Variants in ZNF705G observed in about 807,000 individuals in gnomAD.
ZNF705G encodes the protein zinc finger protein 705G.
ZNF705G carries 23 observed loss-of-function variants against 19.6 expected under a neutral mutation model. The observed-to-expected ratio is 1.17, with a 90% CI of 0.84 to 1.66. The LOEUF is 1.66. Among genes scored for constraint, ZNF705G ranks in the 40% most tolerant of loss-of-function variants. The probability of loss-of-function intolerance (pLI) is 0.00; values close to 1 mark genes in which losing one functional copy is unlikely to be tolerated. For missense variants in ZNF705G, 457 were observed against 354.4 expected (o/e 1.29, Z -2.32); for synonymous variants, 146 against 117.7 (o/e 1.24, Z -1.56).
At chr8:7,365,470 C>T (rs1229571593) in intron 2 of ZNF705G, among the ~76,000 whole-genome samples, 2 of 148,034 alleles carry the variant, frequency 1.4e-5, no homozygotes, top group African/African-American at 2.7e-5. Flanking sequence ...CCTCCACCTC[C>T]CGGGTTCAAG....
At position 7,359,661 on chromosome 8, in the gene ZNF705G, C is replaced by G; in HGVS notation, c.276G>C (p.Met92Ile). Reference protein sequence around the residue: ...SALKKTHMISMHPITRKDAST... With the variant: ...SALKKTHMISIHPITRKDAST... Reference sequence around the variant, plus strand: ...ATGCGTCTTTTCTGGTGATAGGATGCATGGATATCATGTGTGTTTTCTTAA... The same window carrying G: ...ATGCGTCTTTTCTGGTGATAGGATGGATGGATATCATGTGTGTTTTCTTAA... Residue 92 changes from methionine to isoleucine, a missense_variant, in exon 6 of 7, where the codon ATG becomes ATC. Met to Ile is a conservative substitution (Grantham distance 10). Coordinates refer to ENST00000400156, the MANE Select transcript of ZNF705G (RefSeq NM_001164457.3). The G allele has an allele frequency of 1.2e-6, 2 of 1,606,734 alleles. No homozygotes were observed. The highest frequency in any genetic ancestry group is 1.1e-5 in the South Asian group (1 of 90,672).
Position 7,375,936 on chromosome 8 carries a change from A to G in ZNF705G, c.-72+5516T>C, listed in dbSNP as rs1807228164. On this transcript the variant is annotated intron_variant, in intron 2 of 6. Coordinates refer to ENST00000400156, the MANE Select transcript of ZNF705G (RefSeq NM_001164457.3). ...GATGTTCAAGAGTGATTTATCACAT[A>G]TCACAAGACAGGTCAGTGGTTCATC... 2.6e-5 allele frequency among the ~76,000 whole-genome samples: 2 copies of G among 77,220 alleles called. 1 individual carries two copies. The highest frequency in any genetic ancestry group is 9.9e-4 in the South Asian group (2 of 2,020). 50.7% of individuals were successfully genotyped at this position (77,220 alleles called of 152,430 possible).
chr8:7,358,844 C>A lies in ZNF705G; in HGVS notation c.319-284G>T, dbSNP rs1433247588. 1.3e-5 allele frequency among the ~76,000 whole-genome samples: 2 copies of A among 149,346 alleles called. 1 individual carries two copies. Among genetic ancestry groups the A allele is most frequent in the Admixed American group, 1.3e-4 (2 of 15,196 alleles). Reference sequence around the variant, plus strand: ...CTACACGCCTCCCCCATATTTTGCCCATGAGGAAATTCCTCATGAGCTGTT... The same window carrying A: ...CTACACGCCTCCCCCATATTTTGCCAATGAGGAAATTCCTCATGAGCTGTT... On this transcript the variant is annotated intron_variant, in intron 6 of 6. Transcript: ENST00000400156.
rs1391612889 is a variant in ZNF705G, at chr8:7,355,965, C to G, written c.*2011G>C. ...TTAAAATATAATGATGTGTCAACTTCAACCATGGATAAGGCCATTTAGCCT... is the reference window on the plus strand; with the variant it reads ...TTAAAATATAATGATGTGTCAACTTGAACCATGGATAAGGCCATTTAGCCT... On this transcript the variant is annotated 3_prime_UTR_variant, in exon 7 of 7. Coordinates refer to ENST00000400156, the MANE Select transcript of ZNF705G (RefSeq NM_001164457.3). 4 of 149,514 alleles carry G rather than the reference C, an allele frequency of 2.7e-5. No individual in the cohort carries two copies. The highest frequency in any genetic ancestry group is 1.0e-4 in the African/African-American group (4 of 38,890). The allele number at this position is 149,514 out of a possible 1,614,324, so 9.3% of individuals were successfully genotyped here.
chr8:7,364,068 G>A (rs1246705244), intron 2 of ZNF705G, among the ~76,000 whole-genome samples: 1 of 149,390 alleles, frequency 6.7e-6, no homozygotes. Flanking sequence ...TACTAACGTG[G>A]TATCTAAAAT....
intron 4 of ZNF705G, among the ~76,000 whole-genome samples, 166 bp downstream of exon 4, chr8:7,360,944 G>T (rs1045328296): frequency 6.7e-6 from 1 of 149,574 alleles, no homozygotes; most frequent in Non-Finnish European, 1.5e-5. Context: ...TAAAAAGAAA[G>T]ATATTTATTT....
In ZNF705G at chr8:7,357,547, T is replaced by C. The variant is rs372218115; in HGVS notation, c.*429A>G. On this transcript the variant is annotated 3_prime_UTR_variant, in exon 7 of 7. Transcript: ENST00000400156. ...TGAAAGTCCCACATGTTTTAAGTTA[T>C]AGCTGTTGCTGAAGACTTTTAGTTG... 4 of 232,066 alleles carry C rather than the reference T, an allele frequency of 1.7e-5. No individual in the cohort carries two copies. The highest frequency in any genetic ancestry group is 3.3e-5 in the Non-Finnish European group (4 of 123,060). 14.4% of individuals were successfully genotyped at this position (232,066 alleles called of 1,614,324 possible).
Position 7,362,800 on chromosome 8 carries a change from A to G in ZNF705G, c.12+135T>C, listed in dbSNP as rs184518002. 35 of 1,572,594 alleles carry G rather than the reference A, an allele frequency of 2.2e-5. No individual in the cohort carries two copies. In the East Asian group the frequency reaches 7.8e-4, roughly 35 times the overall value. On this transcript the variant is annotated intron_variant, in intron 3 of 6. Transcript: ENST00000400156. ...CTGATTGCATTTGGAACACCCAGGC[A>G]GGGTGGATTTTACATCATAAAAACA... is the stretch of plus-strand genomic sequence containing the variant.
At chr8:7,362,120 C>G (rs573720050) in intron 3 of ZNF705G, among the ~76,000 whole-genome samples, 3 of 149,664 alleles carry the variant, frequency 2.0e-5, no homozygotes, top group Middle Eastern at 3.4e-3. Flanking sequence ...ATTTAAAAAG[C>G]CTCTTCATTG....
chr8:7,365,187 C>T lies in ZNF705G; in HGVS notation c.-71-2170G>A, dbSNP rs990737291. On this transcript the variant is annotated intron_variant, in intron 2 of 6. Coordinates refer to ENST00000400156, the MANE Select transcript of ZNF705G (RefSeq NM_001164457.3). The stretch of plus-strand genomic sequence containing the variant: ...TAGAGATTAAATATATTTAAAAACA[C>T]ATACATACACAAGCAATCTTTAGGA... 2.7e-5 allele frequency among the ~76,000 whole-genome samples: 4 copies of T among 149,374 alleles called. 1 individual carries two copies. Among genetic ancestry groups the T allele is most frequent in the African/African-American group, 7.7e-5 (3 of 38,788 alleles).
rs181743142 is a variant in ZNF705G, at chr8:7,359,802, G to T, written c.236-101C>A. ...TACTTTTTTCAAAAATTGACACGTA[G>T]ATGTGGCAAGTGTGTCAAATGAAGA... On this transcript the variant is annotated intron_variant, in intron 5 of 6. Coordinates refer to ENST00000400156, the MANE Select transcript of ZNF705G (RefSeq NM_001164457.3). 1.4e-4 allele frequency: 222 copies of T among 1,543,200 alleles called. 5 individuals are homozygous for T. In the South Asian group the frequency reaches 2.4e-3, roughly 17 times the overall value.
At chr8:7,381,968 T>C (rs1585431535) in intron 1 of ZNF705G, among the ~76,000 whole-genome samples, 1 of 152,316 alleles carries the variant, frequency 6.6e-6, no homozygotes, top group Admixed American at 6.5e-5. Flanking sequence ...AATACTTAAA[T>C]CCAGAAGCAG....
Position 7,358,263 on chromosome 8 carries a change from T to A in ZNF705G, c.616A>T (p.Arg206Ter), listed in dbSNP as rs570587834. ...GERPYACHLC[R>*]KAFTQCSHLR... Reference sequence around the variant, plus strand: ...TGAGAACACTGAGTGAAGGCTTTTCTACATAGATGACATGCATATGGCCTC... The same window carrying A: ...TGAGAACACTGAGTGAAGGCTTTTCAACATAGATGACATGCATATGGCCTC... Residue 206 changes from arginine to a stop codon, truncating the protein, a stop_gained, in exon 7 of 7, where the codon AGA becomes TGA. Transcript: ENST00000400156. LOFTEE classifies it high-confidence loss of function. 7 of 1,607,530 alleles carry A rather than the reference T, an allele frequency of 4.4e-6. No homozygotes were observed. In the South Asian group the frequency reaches 7.7e-5, roughly 18 times the overall value.
chr8:7,367,137 A>G (rs1205090743), intron 2 of ZNF705G, among the ~76,000 whole-genome samples: 2 of 149,502 alleles, frequency 1.3e-5, no homozygotes, highest in African/African-American at 5.1e-5. Context: ...TGAAGTAACA[A>G]TTCACACAAT....
rs1806296356 is a variant in ZNF705G, at chr8:7,356,900, G to A, written c.*1076C>T. On this transcript the variant is annotated 3_prime_UTR_variant, in exon 7 of 7. Coordinates refer to ENST00000400156, the MANE Select transcript of ZNF705G (RefSeq NM_001164457.3). ...AATTCTGCACGCAATTTATTCCCTGGTCACTTTGCTATTATGCATTTACAT... is the reference window on the plus strand; with the variant it reads ...AATTCTGCACGCAATTTATTCCCTGATCACTTTGCTATTATGCATTTACAT... The A allele has an allele frequency of 6.7e-6, 1 of 149,762 alleles. No homozygotes were observed. The highest frequency in any genetic ancestry group is 2.6e-5 in the African/African-American group (1 of 39,170). The allele number at this position is 149,762 out of a possible 1,614,324, so 9.3% of individuals were successfully genotyped here. A position where few individuals can be genotyped will look rare whatever the true frequency, so the allele number is the denominator to read the frequency against.
At position 7,367,541 on chromosome 8, in the gene ZNF705G, A is replaced by C. The variant is rs543525042; in HGVS notation, c.-71-4524T>G. Among the ~76,000 whole-genome samples the C allele has an allele frequency of 2.1e-3, 317 of 149,560 alleles. 1 individual carries two copies. Among genetic ancestry groups the C allele is most frequent in the South Asian group, 6.1e-3 (29 of 4,762 alleles). ...CTCCCTAAACACAACGTGCATGCTC[A>C]ATTTCAAAGGGTAAGGAAAGCACTG... On this transcript the variant is annotated intron_variant, in intron 2 of 6. Coordinates refer to ENST00000400156, the MANE Select transcript of ZNF705G (RefSeq NM_001164457.3).
At chr8:7,380,851 C>G (rs1456199629) in intron 2 of ZNF705G, among the ~76,000 whole-genome samples, 1 of 143,396 alleles carries the variant, frequency 7.0e-6, no homozygotes, top group South Asian at 2.1e-4. Context: ...GAAACTCCAT[C>G]TCTACTAAAG....
chr8:7,366,523 G>A (rs1157581449), intron 2 of ZNF705G, among the ~76,000 whole-genome samples: 4 of 149,476 alleles, frequency 2.7e-5, no homozygotes, highest in Non-Finnish European at 5.9e-5. Context: ...TGAAAATCAA[G>A]GGAGAAATCT....
intron 2 of ZNF705G, among the ~76,000 whole-genome samples, chr8:7,363,824 A>G (rs1806718840): frequency 6.7e-6 from 1 of 149,274 alleles, no homozygotes; most frequent in Admixed American, 6.6e-5. Context: ...CTGTCTCAAA[A>G]AAAAAAATCT....
Sources: gnomAD v4.1 joint callset for allele counts (sites outside exome capture counted in the v4.1 genomes callset) on GRCh38, gnomAD v4.1.1 for gene constraint, MANE v1.5 for transcripts, NCBI Gene and HGNC (gene_info 2026-07-23, HGNC 2026-07-21) for gene names.